Variants in ANKFN1 observed in about 807,000 individuals in gnomAD.
The protein encoded by ANKFN1 is ankyrin repeat and fibronectin type III domain containing 1.
Under a neutral mutation model 108.7 loss-of-function variants are expected in ANKFN1, and 74 were observed. The ratio of observed to expected loss-of-function variants is 0.68; its 90% CI spans 0.56 to 0.83. The LOEUF is 0.83. ANKFN1 is among the 40% of genes least tolerant of loss of function. ANKFN1 has a pLI of 0.00. For synonymous variants in ANKFN1, 547 were observed against 516.2 expected, an observed-to-expected ratio of 1.06 and a Z score of -0.81; for missense variants, 1,505 against 1,382.3, an observed-to-expected ratio of 1.09 and a Z score of -1.41.
At chr17:56,337,917 C>T (rs1291700480) in intron 4 of ANKFN1, among the ~76,000 whole-genome samples, 2 of 152,084 alleles carry the variant, frequency 1.3e-5, no homozygotes, top group African/African-American at 4.8e-5. Flanking sequence ...GGATCTAGAA[C>T]TAGAAATACC....
chr17:56,125,695 A>C (rs1008609468), intron 4 of ANKFN1, among the ~76,000 whole-genome samples: 2 of 152,204 alleles, frequency 1.3e-5, no homozygotes, highest in African/African-American at 4.8e-5. Context: ...AGGCATGTGG[A>C]TCGTTCGGTA....
rs140110086 is a variant in ANKFN1, at chr17:56,097,693, T to A, written c.288+51368T>A. 5.9e-3 allele frequency among the ~76,000 whole-genome samples: 901 copies of A among 152,278 alleles called. 8 individuals carry two copies. The highest frequency in any genetic ancestry group is 0.01 in the Middle Eastern group (3 of 294). On this transcript the variant is annotated intron_variant, in intron 4 of 12. Transcript: ENST00000635860. The stretch of plus-strand genomic sequence containing the variant: ...TCCAGCGAGTTCTGTGAAAGTCCTT[T>A]CCAGCCTACATGATCTTCACAGCTA...
intron 3 of ANKFN1, among the ~76,000 whole-genome samples, chr17:56,274,478 A>T (rs1293695158): frequency 6.6e-6 from 1 of 151,990 alleles, no homozygotes; most frequent in Non-Finnish European, 1.5e-5. Context: ...GCCTCAAAAA[A>T]ATAATAATAA....
intron 1 of ANKFN1, among the ~76,000 whole-genome samples, chr17:56,193,609 A>G (rs942764954): frequency 2.0e-5 from 3 of 151,960 alleles, no homozygotes; most frequent in Non-Finnish European, 4.4e-5. Flanking sequence ...CTAGACACAG[A>G]CCTTACACAT....
At chr17:56,282,281 T>C (rs1052764491) in intron 3 of ANKFN1, among the ~76,000 whole-genome samples, 1 of 150,420 alleles carries the variant, frequency 6.6e-6, no homozygotes, top group Admixed American at 6.6e-5. Context: ...ACAGGTGCCG[T>C]GTGTGTGTGT....
At chr17:56,490,580 G>A (rs1437899732) in intron 18 of ANKFN1, among the ~76,000 whole-genome samples, 1 of 152,128 alleles carries the variant, frequency 6.6e-6, no homozygotes, top group Admixed American at 6.6e-5. Context: ...TTGTCCTCAG[G>A]TCCAGAGGGA....
intron 20 of ANKFN1, among the ~76,000 whole-genome samples, chr17:56,505,980 C>G (rs2051543563): frequency 6.6e-6 from 1 of 152,206 alleles, no homozygotes; most frequent in South Asian, 2.1e-4. Context: ...TATCAGTCTT[C>G]TACTGGCCCC....
At chr17:56,330,184 T>C (rs1276085873) in intron 4 of ANKFN1, among the ~76,000 whole-genome samples, 1 of 148,792 alleles carries the variant, frequency 6.7e-6, no homozygotes, top group East Asian at 2.0e-4. Context: ...GGGTAATATA[T>C]GAAGTAAAGA....
rs142669343 is a variant in ANKFN1, at chr17:56,290,023, G to A, written c.54-36198G>A. Among the ~76,000 whole-genome samples the A allele has an allele frequency of 3.2e-3, 490 of 152,252 alleles. 3 individuals carry two copies. The highest frequency in any genetic ancestry group is 0.011 in the African/African-American group (467 of 41,540). ...TTAATCATGCTGCTAGTTAGTTGTA[G>A]GGCTGGGATGCAAACTCCCAGATCA... is the stretch of plus-strand genomic sequence containing the variant. On this transcript the variant is annotated intron_variant, in intron 3 of 20. Coordinates refer to ENST00000682825, the MANE Select transcript of ANKFN1 (RefSeq NM_001370326.1).
chr17:56,206,324 G>A (rs1235408486), intron 1 of ANKFN1, among the ~76,000 whole-genome samples: 2 of 151,984 alleles, frequency 1.3e-5, no homozygotes, highest in African/African-American at 4.8e-5. Context: ...AATTACAACT[G>A]TTCATAAAGT....
At chr17:56,164,656 AAC>A (rs1320919385) in intron 1 of ANKFN1, among the ~76,000 whole-genome samples, 2 of 152,238 alleles carry the variant, frequency 1.3e-5, no homozygotes, top group Non-Finnish European at 2.9e-5. Flanking sequence ...AAGTCTTTTT[AAC>A]ACAGTCAAAT....
intron 3 of ANKFN1, among the ~76,000 whole-genome samples, chr17:56,268,423 C>A (rs2043710136): frequency 6.6e-6 from 1 of 152,130 alleles, no homozygotes; most frequent in Non-Finnish European, 1.5e-5. Flanking sequence ...TGAGATACAG[C>A]TAAAGCAGTT....
chr17:56,400,536 CT>C (rs1416105605), intron 8 of ANKFN1, among the ~76,000 whole-genome samples: 1 of 152,116 alleles, frequency 6.6e-6, no homozygotes, highest in Non-Finnish European at 1.5e-5. Flanking sequence ...TGTGGGTTGT[CT>C]GTTTACTCTG....
chr17:56,208,410 A>G (rs1481542454), intron 1 of ANKFN1, among the ~76,000 whole-genome samples: 1 of 152,184 alleles, frequency 6.6e-6, no homozygotes, highest in Non-Finnish European at 1.5e-5. Flanking sequence ...TTTAGCAGGC[A>G]GTAACTTCAC....
At chr17:56,181,182 G>A (rs1055743247) in intron 1 of ANKFN1, among the ~76,000 whole-genome samples, 5 of 152,136 alleles carry the variant, frequency 3.3e-5, no homozygotes, top group Non-Finnish European at 5.9e-5. Context: ...ATAACACAGC[G>A]AAGAAGTTTC....
upstream of ANKFN1, among the ~76,000 whole-genome samples, chr17:56,148,934 C>G (rs1393474251): frequency 3.9e-5 from 6 of 152,106 alleles, no homozygotes; most frequent in Non-Finnish European, 7.3e-5. Flanking sequence ...TCCCAACAAC[C>G]ATGAAAGGTA....
chr17:56,457,424 T>C lies in ANKFN1; in HGVS notation c.1440+35T>C, dbSNP rs200228785. ...GTTCTGATTTCATTTTTCCCTACTT[T>C]GTACCAATGTTACTGCACAAAAATC... On this transcript the variant is annotated intron_variant, in intron 13 of 20. Transcript: ENST00000682825. 80 of 1,547,174 alleles carry C rather than the reference T, an allele frequency of 5.2e-5. No individual in the cohort carries two copies. The East Asian group carries it at 1.5e-3, about 30-fold the overall frequency.
At chr17:56,079,531 G>C (rs553438740) in intron 4 of ANKFN1, among the ~76,000 whole-genome samples, 1 of 152,250 alleles carries the variant, frequency 6.6e-6, no homozygotes, top group African/African-American at 2.4e-5. Flanking sequence ...GTGAAAAGAA[G>C]AAATAGAGTC....
At chr17:56,336,442 C>T (rs993472870) in intron 4 of ANKFN1, among the ~76,000 whole-genome samples, 1 of 152,096 alleles carries the variant, frequency 6.6e-6, no homozygotes. Flanking sequence ...CTGGTTTAGT[C>T]TTGGGAGGGT....
Sources: gnomAD v4.1 joint callset for allele counts (sites outside exome capture counted in the v4.1 genomes callset) on GRCh38, gnomAD v4.1.1 for gene constraint, MANE v1.5 for transcripts, NCBI Gene and HGNC (gene_info 2026-07-23, HGNC 2026-07-21) for gene names.